The following RMC1 variants were observed in gnomAD, a reference collection of about 807,000 sequenced individuals.
RMC1 encodes the protein regulator of MON1-CCZ1 complex.
Under a neutral mutation model 95.5 loss-of-function variants are expected in RMC1, and 44 were observed. The observed-to-expected ratio is 0.46, with a 90% confidence interval of 0.36 to 0.59. The LOEUF (loss-of-function observed/expected upper bound fraction) is 0.59. RMC1 is among the 20% of genes least tolerant of loss of function. The probability of loss-of-function intolerance (pLI) is 0.00; values close to 1 mark genes in which losing one functional copy is unlikely to be tolerated. For missense variants in RMC1, 705 were observed against 819.6 expected (o/e 0.86, Z 1.71); for synonymous variants, 320 against 303.6 (o/e 1.05, Z -0.56).
intron 10 of RMC1, among the ~76,000 whole-genome samples, chr18:23,523,714 CCTCTCTT>C (rs1230047960): frequency 6.6e-6 from 1 of 151,952 alleles, no homozygotes; most frequent in Non-Finnish European, 1.5e-5. Context: ...AGAGCAACAC[CCTCTCTT>C]AAAGAAAAAA....
At chr18:23,511,435 C>T (rs954346615) in intron 5 of RMC1, among the ~76,000 whole-genome samples, 1 of 152,086 alleles carries the variant, frequency 6.6e-6, no homozygotes, top group Non-Finnish European at 1.5e-5. Context: ...CATGAGTTTA[C>T]GTATGTAACA....
intron 19 of RMC1, among the ~76,000 whole-genome samples, chr18:23,530,855 G>T (rs2058475448): frequency 3.3e-5 from 5 of 152,158 alleles, no homozygotes. Flanking sequence ...TTAGGACCCA[G>T]ATCAGGCACA....
chr18:23,529,908 ACTT>A (rs58993935), intron 16 of RMC1, 117 bp from the exon 17 acceptor site: 60,530 of 1,112,556 alleles, frequency 0.054, 3,496 homozygotes, highest in African/African-American at 0.23. Context: ...TGACGAAACC[ACTT>A]CTTGTAATGA....
Position 23,529,215 on chromosome 18 carries a change from C to T in RMC1, c.1333C>T (p.Leu445Phe), listed in dbSNP as rs756302278. Residue 445 changes from leucine to phenylalanine, a missense_variant, in exon 15 of 20, where the codon CTC (leucine) becomes TTC (phenylalanine). By Grantham distance (22) the Leu-to-Phe change is conservative (BLOSUM62 0). Transcript: ENST00000269221. Reference protein sequence around the residue: ...EAGQSRSSPLLKRPVRTQAVL... With the variant: ...EAGQSRSSPLFKRPVRTQAVL... The stretch of plus-strand genomic sequence containing the variant: ...AGGGCAGAGCCGAAGCAGCCCGCTC[C>T]TCAAGAGGCCGGTGCGGACCCAGGC... 3.7e-6 allele frequency: 6 copies of T among 1,613,946 alleles called. No individual in the cohort carries two copies. The highest frequency in any genetic ancestry group is 5.1e-6 in the Non-Finnish European group (6 of 1,180,026).
At position 23,529,653 on chromosome 18, in the gene RMC1, G is replaced by T. The variant is rs779543752; in HGVS notation, c.1435G>T (p.Val479Leu). The change falls in exon 16 of 20, where the codon GTG becomes TTG. Residue 479 changes from valine (V) to leucine (L), a missense_variant. Physicochemically the swap from Val to Leu is conservative, Grantham distance 32. Transcript: ENST00000269221. ...TCCCTAGGAGATGCCTCATAAATTT[G>T]TGATAGCCGTGCTGATGGAATACAT... is the stretch of plus-strand genomic sequence containing the variant. The part of the protein sequence containing the change: ...VEKKEMPHKF[V>L]IAVLMEYIRS... The T allele has an allele frequency of 6.2e-7, 1 of 1,614,106 alleles. No individual in the cohort carries two copies. Among genetic ancestry groups the T allele is most frequent in the Non-Finnish European group, 8.5e-7 (1 of 1,179,988 alleles).
At chr18:23,525,448 C>A (rs1341606069) in intron 12 of RMC1, among the ~76,000 whole-genome samples, 1 of 151,824 alleles carries the variant, frequency 6.6e-6, no homozygotes, top group Non-Finnish European at 1.5e-5. Context: ...TATTTTGAGA[C>A]GGAATCTCGC....
rs766622385 is a variant in RMC1, at chr18:23,515,872, G to A, written c.425G>A (p.Arg142Gln). The part of the protein sequence containing the change: ...IEFYQVLPEK[R>Q]SLKLLKSHNL... The stretch of plus-strand genomic sequence containing the variant: ...CTGCTTCAGGTATTACCAGAGAAAC[G>A]GAGTCTGAAACTCTTGAAGAGCCAC... Residue 142 changes from arginine to glutamine, a missense_variant, in exon 6 of 20, where the codon CGG becomes CAG. Arg to Gln is a conservative substitution (Grantham distance 43). Coordinates refer to ENST00000269221, the MANE Select transcript of RMC1 (RefSeq NM_013326.5). 18 of 1,613,970 alleles carry A rather than the reference G, an allele frequency of 1.1e-5. No homozygotes were observed. Among genetic ancestry groups the A allele is most frequent in the South Asian group, 3.3e-5 (3 of 91,080 alleles).
intron 7 of RMC1, among the ~76,000 whole-genome samples, chr18:23,517,499 T>G (rs1245862906): frequency 1.3e-5 from 2 of 152,154 alleles, no homozygotes; most frequent in African/African-American, 4.8e-5. Flanking sequence ...TTTTTAAATT[T>G]GTAATGAAAA....
chr18:23,504,532 C>A, intron 2 of RMC1, 85 bp downstream of exon 2: 1 of 1,310,968 alleles, frequency 7.6e-7, no homozygotes, highest in Non-Finnish European at 1.1e-6. Context: ...ATAATTTTGT[C>A]ATTTGGTCTG....
intron 7 of RMC1, among the ~76,000 whole-genome samples, chr18:23,518,126 GCA>G (rs564642033): frequency 1.3e-5 from 2 of 152,236 alleles, no homozygotes; most frequent in Admixed American, 6.5e-5. Context: ...GGCAGGCCCA[GCA>G]CAGAGTTTAC....
chr18:23,503,952 C>T (rs932930406), intron 1 of RMC1, among the ~76,000 whole-genome samples: 2 of 151,386 alleles, frequency 1.3e-5, no homozygotes, highest in Non-Finnish European at 2.9e-5. Flanking sequence ...ATGCAGTGGC[C>T]CCGTGGCCAG....
chr18:23,504,538 G>T, intron 2 of RMC1, 91 bp downstream of exon 2: 3 of 1,259,334 alleles, frequency 2.4e-6, no homozygotes, highest in South Asian at 2.5e-5. Flanking sequence ...TTGTCATTTG[G>T]TCTGCCCTAA....
chr18:23,531,496 A>C (rs1762011639), intron 19 of RMC1, 129 bp from the exon 20 acceptor site: 4 of 1,471,182 alleles, frequency 2.7e-6, no homozygotes, highest in Admixed American at 2.6e-5. Flanking sequence ...GTAACCCCAA[A>C]ACTTAGGAAA....
intron 10 of RMC1, among the ~76,000 whole-genome samples, chr18:23,523,895 T>C (rs761998326): frequency 1.2e-4 from 18 of 152,330 alleles, no homozygotes; most frequent in Non-Finnish European, 2.2e-4. Flanking sequence ...ACCACAGTGA[T>C]TGAAGCCTTG....
chr18:23,520,545 C>T (rs575004214), intron 10 of RMC1, among the ~76,000 whole-genome samples: 1 of 152,202 alleles, frequency 6.6e-6, no homozygotes, highest in Non-Finnish European at 1.5e-5. Flanking sequence ...CTACAGTCTC[C>T]ACCTCCTGGG....
chr18:23,518,116 G>C (rs1336372381), intron 7 of RMC1, among the ~76,000 whole-genome samples: 16 of 152,208 alleles, frequency 1.1e-4, no homozygotes, highest in Admixed American at 1.0e-3. Context: ...CTTGTCCCTG[G>C]GCAGGCCCAG....
chr18:23,511,418 C>T (rs1047483218), intron 5 of RMC1, among the ~76,000 whole-genome samples: 3 of 152,130 alleles, frequency 2.0e-5, no homozygotes, highest in Non-Finnish European at 4.4e-5. Context: ...TACCACAAAC[C>T]CCGTGACATG....
At chr18:23,527,223 C>CG in intron 13 of RMC1, among the ~76,000 whole-genome samples, 1 of 43,650 alleles carries the variant, frequency 2.3e-5, no homozygotes, top group African/African-American at 6.5e-5. Context: ...CCTGTCTCTA[C>CG]AAAAAAAAAA....
intron 10 of RMC1, among the ~76,000 whole-genome samples, chr18:23,521,098 GC>G (rs2058131130): frequency 6.6e-6 from 1 of 151,940 alleles, no homozygotes; most frequent in African/African-American, 2.4e-5. Context: ...CAGGTGATCC[GC>G]CTGCCTCGCT....
Sources: allele counts gnomAD v4.1 joint callset (sites outside exome capture counted in the v4.1 genomes callset), GRCh38; gene constraint gnomAD v4.1.1; transcripts MANE v1.5; gene names NCBI Gene and HGNC (gene_info 2026-07-23, HGNC 2026-07-21).